The following CORIN variants were observed in gnomAD, a reference collection of about 807,000 sequenced individuals.
CORIN encodes corin, serine peptidase, also known as atrial natriuretic peptide-converting enzyme.
CORIN carries 117 observed loss-of-function variants against 125.3 expected under a neutral mutation model. The ratio of observed to expected loss-of-function variants is 0.93; its 90% confidence interval spans 0.80 to 1.09. The LOEUF (loss-of-function observed/expected upper bound fraction) is 1.09, where lower values mean the gene tolerates loss of function less well. CORIN is among the 50% of genes least tolerant of loss of function. The pLI is 0.00. For missense variants in CORIN, 1,253 were observed against 1,306.7 expected, an observed-to-expected ratio of 0.96 and a Z score of 0.63; for synonymous variants, 450 against 466.4, an observed-to-expected ratio of 0.96 and a Z score of 0.45.
intron 1 of CORIN, among the ~76,000 whole-genome samples, chr4:47,814,548 T>A (rs1732185301): frequency 6.6e-6 from 1 of 152,210 alleles, no homozygotes; most frequent in Non-Finnish European, 1.5e-5. Flanking sequence ...AAAGTAGATT[T>A]GTTGAGTAAC....
At chr4:47,606,328 C>G (rs1186615629) in intron 19 of CORIN, among the ~76,000 whole-genome samples, 8 of 152,132 alleles carry the variant, frequency 5.3e-5, no homozygotes, top group African/African-American at 1.9e-4. Flanking sequence ...TGATAGCTCA[C>G]TGCAGTCTCA....
chr4:47,621,090 A>G (rs918548460), intron 19 of CORIN, among the ~76,000 whole-genome samples: 11 of 152,294 alleles, frequency 7.2e-5, no homozygotes, highest in Middle Eastern at 3.4e-3. Context: ...AATACAATAA[A>G]ATGGCTAGTA....
chr4:47,628,607 C>G (rs1177289387), intron 16 of CORIN, among the ~76,000 whole-genome samples: 1 of 152,100 alleles, frequency 6.6e-6, no homozygotes, highest in Admixed American at 6.6e-5. Flanking sequence ...TACCCTTTGA[C>G]CATCTCCCCA....
At chr4:47,752,391 A>G (rs1457994963) in intron 4 of CORIN, among the ~76,000 whole-genome samples, 1 of 152,190 alleles carries the variant, frequency 6.6e-6, no homozygotes, top group Non-Finnish European at 1.5e-5. Context: ...TATCTGTTGA[A>G]TAAGTAAATG....
intron 2 of CORIN, among the ~76,000 whole-genome samples, chr4:47,806,118 G>A (rs1248004781): frequency 1.3e-5 from 2 of 151,980 alleles, no homozygotes; most frequent in Non-Finnish European, 2.9e-5. Context: ...TAAAAATGTG[G>A]TATGTAATAT....
chr4:47,785,909 CAAA>C (rs11313881), intron 3 of CORIN, among the ~76,000 whole-genome samples: 9 of 80,480 alleles, frequency 1.1e-4, no homozygotes, highest in Non-Finnish European at 1.9e-4. Flanking sequence ...GACTCCATCT[CAAA>C]AAAAAAAAAA....
At chr4:47,688,492 C>T (rs1285374038) in intron 6 of CORIN, among the ~76,000 whole-genome samples, 1 of 152,090 alleles carries the variant, frequency 6.6e-6, no homozygotes, top group African/African-American at 2.4e-5. Flanking sequence ...GTTCCAGTTA[C>T]TCAGGAGGCT....
intron 5 of CORIN, among the ~76,000 whole-genome samples, chr4:47,714,778 CT>C (rs1191904284): frequency 3.3e-5 from 5 of 152,208 alleles, no homozygotes; most frequent in African/African-American, 1.2e-4. Context: ...TTGCTGACCC[CT>C]GATCCAGAAG....
At chr4:47,774,944 G>C (rs1730224488) in intron 3 of CORIN, among the ~76,000 whole-genome samples, 1 of 152,238 alleles carries the variant, frequency 6.6e-6, no homozygotes, top group African/African-American at 2.4e-5. Context: ...ATGGTTGCCA[G>C]AGGTTGGGCA....
chr4:47,764,422 C>T (rs1224348393), intron 3 of CORIN, among the ~76,000 whole-genome samples: 1 of 152,188 alleles, frequency 6.6e-6, no homozygotes, highest in African/African-American at 2.4e-5. Context: ...GACATGCATT[C>T]ATATGATGGG....
chr4:47,693,941 A>G (rs1725875951), intron 5 of CORIN, among the ~76,000 whole-genome samples: 1 of 152,232 alleles, frequency 6.6e-6, no homozygotes, highest in South Asian at 2.1e-4. Context: ...AAGTGTGCAT[A>G]ATCTTTGACT....
intron 5 of CORIN, chr4:47,706,589 G>A (rs1297411276): frequency 3.1e-6 from 5 of 1,604,626 alleles, no homozygotes; most frequent in African/African-American, 2.7e-5. Flanking sequence ...GGCCGAAAAC[G>A]CCCAGTTCCT....
chr4:47,684,202 A>G (rs1725413972), intron 6 of CORIN, among the ~76,000 whole-genome samples: 1 of 152,198 alleles, frequency 6.6e-6, no homozygotes, highest in Admixed American at 6.5e-5. Flanking sequence ...TTTTCTTTAG[A>G]GTTGAAGTCT....
In CORIN at chr4:47,775,718, A is replaced by G. The variant is rs557198428; in HGVS notation, c.409+11007T>C. ...AGTTGGCACCTGTAGGGCCAACTCT[A>G]CTGGGAGGTTGACAGCGTTTGATGT... is the stretch of plus-strand genomic sequence containing the variant. On this transcript the variant is annotated intron_variant, in intron 3 of 21. Transcript: ENST00000273857. Among the ~76,000 whole-genome samples the G allele has an allele frequency of 3.9e-4, 60 of 152,290 alleles. No individual in the cohort carries two copies. In the Middle Eastern group the frequency reaches 0.01, roughly 26 times the overall value.
chr4:47,689,184 A>T (rs558019985), intron 6 of CORIN, among the ~76,000 whole-genome samples: 13 of 152,234 alleles, frequency 8.5e-5, no homozygotes, highest in Non-Finnish European at 1.6e-4. Context: ...ATAAGATAAC[A>T]ACAGTGACAA....
At chr4:47,683,234 C>T (rs1725366683) in intron 7 of CORIN, 1 of 152,244 alleles carries the variant, frequency 6.6e-6, no homozygotes, top group Non-Finnish European at 1.5e-5. Context: ...GATAAGATCA[C>T]CATGTGTACA....
intron 3 of CORIN, among the ~76,000 whole-genome samples, chr4:47,782,925 C>CT (rs139220216): frequency 4.8e-3 from 699 of 145,526 alleles, no homozygotes; most frequent in South Asian, 0.02. Flanking sequence ...GGGAATATGC[C>CT]TTTTTTTTTT....
At chr4:47,784,153 C>G (rs1213169633) in intron 3 of CORIN, among the ~76,000 whole-genome samples, 1 of 152,052 alleles carries the variant, frequency 6.6e-6, no homozygotes, top group Non-Finnish European at 1.5e-5. Context: ...TTATAAGGAT[C>G]ACAGAGAAAA....
At chr4:47,644,994 TAC>T (rs1163316623) in intron 14 of CORIN, 85 bp downstream of exon 14, 2 of 704,438 alleles carry the variant, frequency 2.8e-6, no homozygotes, top group African/African-American at 3.6e-5. Flanking sequence ...TATGCATATT[TAC>T]ACACTTTTAG....
Sources: allele counts gnomAD v4.1 joint callset (sites outside exome capture counted in the v4.1 genomes callset), GRCh38; gene constraint gnomAD v4.1.1; transcripts MANE v1.5; gene names NCBI Gene and HGNC (gene_info 2026-07-23, HGNC 2026-07-21).